The following PPP3CC variants were observed in gnomAD, a reference collection of about 807,000 sequenced individuals.
PPP3CC encodes the protein serine/threonine-protein phosphatase 2B catalytic subunit gamma isoform.
A neutral mutation model predicts 60.3 loss-of-function variants in PPP3CC; 35 were observed. The ratio of observed to expected loss-of-function variants is 0.58; its 90% CI spans 0.44 to 0.77. PPP3CC has a LOEUF of 0.77. Ranked by LOEUF, PPP3CC falls within the 30% of genes least tolerant of loss-of-function variation. PPP3CC has a pLI of 0.00. For missense variants in PPP3CC, 570 were observed against 628.9 expected, an observed-to-expected ratio of 0.91 and a Z score of 1.00; for synonymous variants, 206 against 224.3, an observed-to-expected ratio of 0.92 and a Z score of 0.73.
chr8:22,504,233 T>C (rs1838846692), intron 4 of PPP3CC, among the ~76,000 whole-genome samples: 1 of 152,212 alleles, frequency 6.6e-6, no homozygotes, highest in Non-Finnish European at 1.5e-5. Context: ...TGTATAATTA[T>C]TATCAAGTCA....
chr8:22,537,223 TAAG>T (rs1839863045), intron 12 of PPP3CC, among the ~76,000 whole-genome samples: 1 of 152,180 alleles, frequency 6.6e-6, no homozygotes, highest in African/African-American at 2.4e-5. Flanking sequence ...TACAACTGAA[TAAG>T]AAGACAACCC....
intron 3 of PPP3CC, among the ~76,000 whole-genome samples, chr8:22,477,835 A>ATATT (rs373116798): frequency 0.016 from 2,457 of 151,360 alleles, 59 homozygotes; most frequent in African/African-American, 0.05. Context: ...AACTTTTAAA[A>ATATT]TATTTATTTA....
chr8:22,532,157 T>C, intron 10 of PPP3CC, 68 bp from the exon 11 acceptor site: 1 of 1,139,304 alleles, frequency 8.8e-7, no homozygotes, highest in South Asian at 1.5e-5. Context: ...AGACACTTCA[T>C]CCTGAATTTT....
intron 8 of PPP3CC, chr8:22,523,547 T>C: frequency 2.9e-6 from 1 of 346,700 alleles, no homozygotes; most frequent in South Asian, 2.2e-5. Flanking sequence ...TATTGTCCCT[T>C]CAAAGTAGTT....
rs780094232 is a variant in PPP3CC, at chr8:22,533,026, TGA to T, written c.1321+12_1321+13del. ...AGCAGACTATCGAGACAGGTGAGTA[TGA>T]GAGTGCTCCTCCATGGAAGGTGTGC... On this transcript the variant is annotated intron_variant, in intron 12 of 13. Coordinates refer to ENST00000240139, the MANE Select transcript of PPP3CC (RefSeq NM_005605.5). 3.2e-6 allele frequency: 5 copies of T among 1,567,014 alleles called. No homozygotes were observed. The East Asian group carries it at 1.2e-4, about 37-fold the overall frequency.
chr8:22,533,224 A>G (rs188508929), intron 12 of PPP3CC, among the ~76,000 whole-genome samples: 3 of 152,370 alleles, frequency 2.0e-5, no homozygotes. Flanking sequence ...TAAAAAGCAA[A>G]ACAGTAAAAC....
chr8:22,480,633 C>G lies in PPP3CC; in HGVS notation c.372+5009C>G, dbSNP rs372592471. ...AGCTGGGATTACAGCCCCCCACCACCATGCTCAGTTAATATTTGTGTTTTT... is the reference window on the plus strand; with the variant it reads ...AGCTGGGATTACAGCCCCCCACCACGATGCTCAGTTAATATTTGTGTTTTT... On this transcript the variant is annotated intron_variant, in intron 3 of 13. Transcript: ENST00000240139. 9.9e-5 allele frequency among the ~76,000 whole-genome samples: 15 copies of G among 152,226 alleles called. No homozygotes were observed. The South Asian group carries it at 2.3e-3, about 23-fold the overall frequency.
intron 1 of PPP3CC, among the ~76,000 whole-genome samples, chr8:22,442,242 T>C (rs1262540830): frequency 6.6e-6 from 1 of 152,236 alleles, no homozygotes; most frequent in Non-Finnish European, 1.5e-5. Flanking sequence ...GCCGTAAGTC[T>C]TAGGCACAAC....
In PPP3CC at chr8:22,522,528, T is replaced by A; in HGVS notation, c.808T>A (p.Leu270Ile). 6.2e-7 allele frequency: 1 copy of A among 1,612,434 alleles called. No individual in the cohort carries two copies. Among genetic ancestry groups the A allele is most frequent in the Non-Finnish European group, 8.5e-7 (1 of 1,179,246 alleles). ...TTGTGAATTTTTGCAGAACAATAAT[T>A]TACTATCAATTATCAGAGCCCATGA... ...AVCEFLQNNN[L>I]LSIIRAHEAQ... Residue 270 changes from leucine to isoleucine, a missense_variant, in exon 7 of 14, where the codon TTA (leucine) becomes ATA (isoleucine). Physicochemically the swap from Leu to Ile is conservative, Grantham distance 5. Transcript: ENST00000240139.
intron 1 of PPP3CC, among the ~76,000 whole-genome samples, chr8:22,471,662 C>T (rs1837725620): frequency 6.6e-6 from 1 of 152,096 alleles, no homozygotes. Context: ...AAAACTGGTA[C>T]ACCTGTATAG....
chr8:22,467,629 C>T (rs1011525686), intron 1 of PPP3CC, among the ~76,000 whole-genome samples: 1 of 152,128 alleles, frequency 6.6e-6, no homozygotes, highest in African/African-American at 2.4e-5. Flanking sequence ...TAGGGTTTCA[C>T]CATGTTGGTC....
chr8:22,451,013 T>C (rs1233126102), intron 1 of PPP3CC, among the ~76,000 whole-genome samples: 5 of 150,006 alleles, frequency 3.3e-5, no homozygotes, highest in Non-Finnish European at 5.9e-5. Context: ...TTTTCTTTTT[T>C]TTTTTTTAAT....
chr8:22,538,827 T>C (rs1284897886), intron 12 of PPP3CC, among the ~76,000 whole-genome samples: 1 of 152,264 alleles, frequency 6.6e-6, no homozygotes, highest in Non-Finnish European at 1.5e-5. Context: ...CTCTGCTATA[T>C]TTTTATAGCA....
intron 4 of PPP3CC, among the ~76,000 whole-genome samples, chr8:22,503,567 CTATT>C (rs1371479881): frequency 1.3e-5 from 2 of 151,790 alleles, no homozygotes; most frequent in African/African-American, 4.8e-5. Flanking sequence ...GTAGGTGTAT[CTATT>C]TATGGAATAC....
intron 1 of PPP3CC, among the ~76,000 whole-genome samples, chr8:22,459,220 A>C (rs947053065): frequency 6.6e-6 from 1 of 152,222 alleles, no homozygotes. Flanking sequence ...TTACAGGCAC[A>C]TGCCACTGTG....
chr8:22,532,885 T>A (rs749527021), intron 11 of PPP3CC, 36 bp from the exon 12 acceptor site: 1 of 1,435,354 alleles, frequency 7.0e-7, no homozygotes, highest in Admixed American at 2.2e-5. Context: ...TGGAGAGTTC[T>A]CGGGCATTAA....
intron 4 of PPP3CC, among the ~76,000 whole-genome samples, chr8:22,504,895 A>T (rs1428729646): frequency 6.6e-6 from 1 of 151,282 alleles, no homozygotes; most frequent in Non-Finnish European, 1.5e-5. Context: ...TTATGTTTTT[A>T]TGTATTTATT....
In PPP3CC at chr8:22,532,209, C is replaced by T. The variant is rs753514717; in HGVS notation, c.1142-16C>T. The T allele has an allele frequency of 6.3e-7, 1 of 1,588,780 alleles. No homozygotes were observed. The highest frequency in any genetic ancestry group is 1.1e-5 in the South Asian group (1 of 89,452). On this transcript the variant is annotated splice_polypyrimidine_tract_variant and intron_variant, in intron 10 of 13. Transcript: ENST00000240139. ...AACACATCCCTTTAACTTACTTATT[C>T]TTTGTATTCTCTAAGGAAGCACTAC... is the stretch of plus-strand genomic sequence containing the variant.
At chr8:22,517,313 A>G (rs1839273965) in intron 6 of PPP3CC, among the ~76,000 whole-genome samples, 1 of 152,210 alleles carries the variant, frequency 6.6e-6, no homozygotes, top group African/African-American at 2.4e-5. Context: ...CATCAGAGAT[A>G]CTCACCTGTA....
Sources: allele counts gnomAD v4.1 joint callset (sites outside exome capture counted in the v4.1 genomes callset), GRCh38; gene constraint gnomAD v4.1.1; transcripts MANE v1.5; gene names NCBI Gene and HGNC (gene_info 2026-07-23, HGNC 2026-07-21).